Variants in PPP1R9A observed in about 807,000 individuals in gnomAD.
PPP1R9A encodes neurabin-1.
In PPP1R9A, 59 loss-of-function variants were observed where a neutral mutation model predicts 141.9. The ratio of observed to expected loss-of-function variants is 0.42; its 90% CI spans 0.34 to 0.52. PPP1R9A has a LOEUF of 0.52. Ranked by LOEUF, PPP1R9A falls within the 20% of genes least tolerant of loss-of-function variation. PPP1R9A has a pLI of 0.10. For synonymous variants in PPP1R9A, 500 were observed against 569.7 expected, an observed-to-expected ratio of 0.88 and a Z score of 1.74; for missense variants, 1,444 against 1,611.9, an observed-to-expected ratio of 0.90 and a Z score of 1.78.
intron 2 of PPP1R9A, among the ~76,000 whole-genome samples, chr7:94,925,437 T>C (rs2150763616): frequency 6.6e-6 from 1 of 152,308 alleles, no homozygotes. Flanking sequence ...TGATTGCCCC[T>C]TCTGAAGCTG....
At chr7:95,086,371 G>A (rs1563217281) in intron 2 of PPP1R9A, among the ~76,000 whole-genome samples, 1 of 151,882 alleles carries the variant, frequency 6.6e-6, no homozygotes, top group South Asian at 2.1e-4. Context: ...ATATAAGTAA[G>A]CATTTTACCT....
chr7:95,148,115 A>T (rs957884769), intron 4 of PPP1R9A, among the ~76,000 whole-genome samples: 6 of 152,174 alleles, frequency 3.9e-5, no homozygotes, highest in African/African-American at 7.2e-5. Context: ...AAAGATCTAA[A>T]ATCAGCTATC....
In PPP1R9A at chr7:95,198,390, T is replaced by A. The variant is rs1219082690; in HGVS notation, c.1796T>A (p.Val599Asp). Reference protein sequence around the residue: ...GREKPGQVSEVAQLISQTLEQ... With the variant: ...GREKPGQVSEDAQLISQTLEQ... Reference sequence around the variant, plus strand: ...GAAAAACCAGGACAAGTGAGCGAGGTTGCCCAGTTGATAAGCCAGACACTG... The same window carrying A: ...GAAAAACCAGGACAAGTGAGCGAGGATGCCCAGTTGATAAGCCAGACACTG... The change falls in exon 6 of 20, where the codon GTT becomes GAT. Residue 599 changes from valine (V) to aspartate (D), a missense_variant. Physicochemically the swap from Val to Asp is radical, Grantham distance 152. This residue lies in a region of PPP1R9A where 488 missense variants were observed against 542.0 expected (regional missense o/e 0.90). Transcript: ENST00000433360. 1 of 1,612,888 alleles carries A rather than the reference T, an allele frequency of 6.2e-7. No individual in the cohort carries two copies. Among genetic ancestry groups the A allele is most frequent in the Non-Finnish European group, 8.5e-7 (1 of 1,179,604 alleles).
At chr7:95,045,766 C>T (rs979522236) in intron 2 of PPP1R9A, among the ~76,000 whole-genome samples, 5 of 151,874 alleles carry the variant, frequency 3.3e-5, no homozygotes, top group African/African-American at 1.2e-4. Context: ...CTGCTCATGC[C>T]TAACTACCTA....
chr7:95,290,166 A>T lies in PPP1R9A; in HGVS notation c.3988A>T (p.Lys1330Ter). Residue 1330 changes from lysine to a stop codon, truncating the protein, a stop_gained, in exon 20 of 20, where the codon AAG becomes TAG. Transcript: ENST00000433360. LOFTEE classifies it high-confidence loss of function. ...KLKEMKMSLE[K>*]ARKAQEKMEK... ...CAAGGAAATGAAGATGTCTCTAGAGAAGGCTCGGAAGGCCCAAGAGAAAAT... is the reference window on the plus strand; with the variant it reads ...CAAGGAAATGAAGATGTCTCTAGAGTAGGCTCGGAAGGCCCAAGAGAAAAT... The T allele has an allele frequency of 6.2e-7, 1 of 1,614,078 alleles. No individual in the cohort carries two copies. Among genetic ancestry groups the T allele is most frequent in the Admixed American group, 1.7e-5 (1 of 59,968 alleles).
At chr7:95,212,396 T>C (rs1311885963) in intron 7 of PPP1R9A, among the ~76,000 whole-genome samples, 1 of 152,108 alleles carries the variant, frequency 6.6e-6, no homozygotes, top group Non-Finnish European at 1.5e-5. Context: ...TATATGTATT[T>C]AAAGAAAGAC....
At chr7:95,127,119 ACT>A (rs1823690164) in intron 4 of PPP1R9A, among the ~76,000 whole-genome samples, 1 of 152,108 alleles carries the variant, frequency 6.6e-6, no homozygotes, top group South Asian at 2.1e-4. Context: ...ATAGAACTCC[ACT>A]TCTCTTCCTC....
chr7:95,264,753 G>C (rs145859844), intron 12 of PPP1R9A, among the ~76,000 whole-genome samples: 1 of 152,034 alleles, frequency 6.6e-6, no homozygotes, highest in East Asian at 1.9e-4. Context: ...GCTGCATTGC[G>C]TCAGAGGTAG....
chr7:94,961,827 A>G (rs557997207), intron 2 of PPP1R9A, among the ~76,000 whole-genome samples: 4 of 152,038 alleles, frequency 2.6e-5, no homozygotes, highest in South Asian at 2.1e-4. Flanking sequence ...GGTACAGCCA[A>G]TGTATTTGAG....
At chr7:94,980,822 C>T (rs540527053) in intron 2 of PPP1R9A, among the ~76,000 whole-genome samples, 2 of 152,210 alleles carry the variant, frequency 1.3e-5, no homozygotes, top group South Asian at 2.1e-4. Flanking sequence ...TCAAAGCCCA[C>T]TGACCATAAG....
intron 12 of PPP1R9A, 98 bp downstream of exon 12, chr7:95,252,228 C>T: frequency 7.8e-7 from 1 of 1,280,808 alleles, no homozygotes; most frequent in Admixed American, 3.0e-5. Context: ...GTTGGAAATA[C>T]CTTCCTACTA....
intron 12 of PPP1R9A, among the ~76,000 whole-genome samples, chr7:95,262,874 T>C (rs1355167472): frequency 6.6e-6 from 1 of 152,182 alleles, no homozygotes; most frequent in African/African-American, 2.4e-5. Context: ...ATAGCAATAA[T>C]CTTCTGCTTG....
chr7:95,213,241 A>T (rs1396457016), intron 7 of PPP1R9A, among the ~76,000 whole-genome samples: 2 of 150,852 alleles, frequency 1.3e-5, no homozygotes, highest in African/African-American at 4.9e-5. Flanking sequence ...TTTGTTTATC[A>T]CTCATTATTC....
intron 2 of PPP1R9A, among the ~76,000 whole-genome samples, chr7:94,960,555 A>T (rs962248673): frequency 6.6e-6 from 1 of 151,720 alleles, no homozygotes; most frequent in Non-Finnish European, 1.5e-5. Flanking sequence ...ATAACACTAA[A>T]TGCCTACACC....
intron 2 of PPP1R9A, among the ~76,000 whole-genome samples, chr7:95,104,101 A>G (rs1247782927): frequency 6.6e-6 from 1 of 152,230 alleles, no homozygotes; most frequent in African/African-American, 2.4e-5. Context: ...GTATGCTACA[A>G]ATAATTGGTG....
At chr7:95,175,696 G>A (rs771461423) in intron 5 of PPP1R9A, among the ~76,000 whole-genome samples, 2 of 151,996 alleles carry the variant, frequency 1.3e-5, no homozygotes, top group African/African-American at 4.8e-5. Context: ...TTGCTCTTCA[G>A]TGTCATTCAC....
intron 7 of PPP1R9A, among the ~76,000 whole-genome samples, chr7:95,223,289 G>A (rs1446668758): frequency 2.0e-5 from 3 of 151,978 alleles, no homozygotes; most frequent in Non-Finnish European, 4.4e-5. Context: ...GCTTAACAAC[G>A]TATGTTTATT....
chr7:95,247,634 C>T, intron 9 of PPP1R9A, 108 bp downstream of exon 9: 1 of 902,254 alleles, frequency 1.1e-6, no homozygotes, highest in African/African-American at 1.7e-5. Context: ...TGAAAGAATG[C>T]AAATGTGATA....
intron 12 of PPP1R9A, among the ~76,000 whole-genome samples, chr7:95,258,523 A>G (rs1169086894): frequency 6.6e-6 from 1 of 152,194 alleles, no homozygotes; most frequent in Admixed American, 6.5e-5. Context: ...GACCACAGTA[A>G]TATTAAGAAA....
Sources: allele counts gnomAD v4.1 joint callset (sites outside exome capture counted in the v4.1 genomes callset), GRCh38; gene constraint gnomAD v4.1.1; regional missense constraint gnomAD v4.1.1; transcripts MANE v1.5; gene names NCBI Gene and HGNC (gene_info 2026-07-23, HGNC 2026-07-21).